FBXO16: variants seen among roughly 807,000 people sequenced by gnomAD.
FBXO16 encodes F-box only protein 16.
A neutral mutation model predicts 41.0 loss-of-function variants in FBXO16; 31 were observed. The ratio of observed to expected loss-of-function variants is 0.76; its 90% CI spans 0.57 to 1.02. The LOEUF (loss-of-function observed/expected upper bound fraction) is 1.02. Ranked by LOEUF, FBXO16 falls within the 50% of genes least tolerant of loss-of-function variation. The pLI is 0.00. For missense variants in FBXO16, 361 were observed against 346.2 expected, an observed-to-expected ratio of 1.04 and a Z score of -0.34; for synonymous variants, 133 against 117.8, an observed-to-expected ratio of 1.13 and a Z score of -0.84.
At chr8:28,484,121 TG>T (rs1563371681) in intron 1 of FBXO16, among the ~76,000 whole-genome samples, 1 of 152,174 alleles carries the variant, frequency 6.6e-6, no homozygotes, top group African/African-American at 2.4e-5. Flanking sequence ...CACTGGACTC[TG>T]GGGGGAAATC....
chr8:28,481,629 G>T (rs774521098), intron 2 of FBXO16, among the ~76,000 whole-genome samples: 6 of 152,086 alleles, frequency 3.9e-5, no homozygotes, highest in African/African-American at 7.2e-5. Context: ...GGCCAACATC[G>T]TGAAACCCTG....
At chr8:28,489,636 GC>G (rs1229811789) in intron 1 of FBXO16, among the ~76,000 whole-genome samples, 1 of 151,742 alleles carries the variant, frequency 6.6e-6, no homozygotes, top group African/African-American at 2.4e-5. Context: ...GGAGTTCAAG[GC>G]TGCAGTGAGC....
chr8:28,456,799 T>C lies in FBXO16; in HGVS notation c.474A>G (p.Gln158=). The change falls in exon 5 of 9, where the codon CAA becomes CAG. Residue 158 remains glutamine, a synonymous_variant. Coordinates refer to ENST00000380254, the MANE Select transcript of FBXO16 (RefSeq NM_172366.4). The part of the protein sequence containing the change: ...EQGIWKKHYI[Q]MVKELHITKP... ...TGGTAATATGAAGTTCTTTCACCAT[T>C]TGAATATAGTGCTTCTTCCAGATCC... 1 of 1,614,116 alleles carries C rather than the reference T, an allele frequency of 6.2e-7. No individual in the cohort carries two copies. Among genetic ancestry groups the C allele is most frequent in the Non-Finnish European group, 8.5e-7 (1 of 1,180,004 alleles).
rs569205498 is a variant in FBXO16 at position 28,465,621 on chromosome 8, T to TA, written c.136-1804dup. ...CAGAGAGAGGCCCTGTCAATAAAAA[T>TA]AAAAAAAAAATAAAAAATTTTTAAA... On this transcript the variant is annotated intron_variant, in intron 3 of 8. Coordinates refer to ENST00000380254, the MANE Select transcript of FBXO16 (RefSeq NM_172366.4). 9.7e-3 allele frequency among the ~76,000 whole-genome samples: 1,419 copies of TA among 146,552 alleles called. 16 individuals are homozygous for TA. The highest frequency in any genetic ancestry group is 0.014 in the Non-Finnish European group (896 of 66,096).
intron 1 of FBXO16, among the ~76,000 whole-genome samples, chr8:28,484,834 C>G (rs1803575765): frequency 6.6e-6 from 1 of 151,972 alleles, no homozygotes; most frequent in African/African-American, 2.4e-5. Flanking sequence ...ACCTCATGAT[C>G]CACCCCCCCT....
At chr8:28,484,905 T>C (rs1276173883) in intron 1 of FBXO16, among the ~76,000 whole-genome samples, 1 of 152,032 alleles carries the variant, frequency 6.6e-6, no homozygotes, top group Non-Finnish European at 1.5e-5. Context: ...AGATGGAGTC[T>C]TGCTCTATCA....
chr8:28,429,467 G>A, intron 7 of FBXO16, 64 bp from the exon 8 acceptor site: 1 of 1,590,444 alleles, frequency 6.3e-7, no homozygotes, highest in Non-Finnish European at 8.6e-7. Context: ...TCCGAGCTGA[G>A]CTTGAAGGGA....
chr8:28,454,261 C>A (rs1400564603), intron 5 of FBXO16, among the ~76,000 whole-genome samples: 2 of 152,000 alleles, frequency 1.3e-5, no homozygotes, highest in East Asian at 3.9e-4. Context: ...GTATTTTGTG[C>A]AAGTCTCATT....
At chr8:28,479,023 G>A (rs1803467238) in intron 2 of FBXO16, among the ~76,000 whole-genome samples, 1 of 152,056 alleles carries the variant, frequency 6.6e-6, no homozygotes, top group Non-Finnish European at 1.5e-5. Context: ...CTCCTGCCAT[G>A]TAAGATGCCT....
chr8:28,484,896 G>A (rs1274936380), intron 1 of FBXO16, among the ~76,000 whole-genome samples: 2 of 151,642 alleles, frequency 1.3e-5, no homozygotes, highest in Non-Finnish European at 2.9e-5. Flanking sequence ...GCCCGGCCAA[G>A]ATGGAGTCTT....
chr8:28,469,294 C>A (rs529924851), intron 3 of FBXO16, among the ~76,000 whole-genome samples: 124 of 150,480 alleles, frequency 8.2e-4, no homozygotes, highest in Middle Eastern at 3.4e-3. Context: ...GCCTGGGCAA[C>A]AAGAGCGAAA....
chr8:28,475,133 C>T (rs1404553041), intron 2 of FBXO16, among the ~76,000 whole-genome samples: 1 of 152,212 alleles, frequency 6.6e-6, no homozygotes, highest in Non-Finnish European at 1.5e-5. Flanking sequence ...AAGAATGTCC[C>T]CACTTGGAGA....
At chr8:28,485,065 T>C (rs1015768267) in intron 1 of FBXO16, among the ~76,000 whole-genome samples, 9 of 152,120 alleles carry the variant, frequency 5.9e-5, no homozygotes, top group African/African-American at 1.9e-4. Flanking sequence ...CATTTTCCAC[T>C]CTGTGATGGT....
chr8:28,483,541 A>G (rs7843764), intron 1 of FBXO16, 79 bp from the exon 2 acceptor site: 697,904 of 1,016,646 alleles, frequency 0.69, 241,987 homozygotes, highest in African/African-American at 0.91. Flanking sequence ...AATACCAGCC[A>G]GGCACGATGG....
At chr8:28,455,378 A>G (rs7014249) in intron 5 of FBXO16, among the ~76,000 whole-genome samples, 15,947 of 152,080 alleles carry the variant, frequency 0.1, 1,756 homozygotes, top group African/African-American at 0.28. Flanking sequence ...CTGGAACTGC[A>G]AGAGTGTGCT....
chr8:28,450,323 A>G (rs2130121884), intron 6 of FBXO16, among the ~76,000 whole-genome samples: 1 of 152,300 alleles, frequency 6.6e-6, no homozygotes, highest in Non-Finnish European at 1.5e-5. Flanking sequence ...TTAACTCAAA[A>G]TGGGTCAAAG....
chr8:28,434,941 G>T (rs1802665626), intron 7 of FBXO16, among the ~76,000 whole-genome samples: 1 of 152,252 alleles, frequency 6.6e-6, no homozygotes, highest in Non-Finnish European at 1.5e-5. Flanking sequence ...GGGGGTGTCA[G>T]TGTGCTAATT....
At chr8:28,484,842 C>G (rs964407957) in intron 1 of FBXO16, among the ~76,000 whole-genome samples, 6 of 152,068 alleles carry the variant, frequency 3.9e-5, no homozygotes, top group Non-Finnish European at 7.4e-5. Flanking sequence ...ATCCACCCCC[C>G]CTGGGCCTCC....
chr8:28,441,340 T>C (rs1270255879), intron 7 of FBXO16, among the ~76,000 whole-genome samples: 1 of 152,200 alleles, frequency 6.6e-6, no homozygotes, highest in Non-Finnish European at 1.5e-5. Flanking sequence ...GCTGACATCC[T>C]TGCTCTCAAG....
Sources: allele counts gnomAD v4.1 joint callset (sites outside exome capture counted in the v4.1 genomes callset), GRCh38; gene constraint gnomAD v4.1.1; transcripts MANE v1.5; gene names NCBI Gene and HGNC (gene_info 2026-07-23, HGNC 2026-07-21).